Variants in CKAP2 observed in about 807,000 individuals in gnomAD.
The protein encoded by CKAP2 is cytoskeleton-associated protein 2.
A neutral mutation model predicts 58.4 loss-of-function variants in CKAP2; 46 were observed. The observed-to-expected ratio is 0.79, with a 90% CI of 0.62 to 1.01. The LOEUF (loss-of-function observed/expected upper bound fraction) is 1.01. Ranked by LOEUF, CKAP2 falls within the 50% of genes least tolerant of loss-of-function variation. The pLI is 0.00. For missense variants in CKAP2, 809 were observed against 796.4 expected (o/e 1.02, Z -0.19); for synonymous variants, 293 against 280.9 (o/e 1.04, Z -0.43).
rs1490273372 is a variant in CKAP2, at chr13:52,465,414, T to A, written c.1425T>A (p.Pro475=). 3.1e-6 allele frequency: 5 copies of A among 1,613,520 alleles called. No homozygotes were observed. The highest frequency in any genetic ancestry group is 1.1e-5 in the South Asian group (1 of 91,040). The change falls in exon 6 of 9, where the codon CCT becomes CCA. Residue 475 remains proline, a synonymous_variant. Transcript: ENST00000258607. Reference sequence around the variant, plus strand: ...CACTTATTGAACCAATCACAAGTCCTATTGAAAATATTATTGCAATCTATG... The same window carrying A: ...CACTTATTGAACCAATCACAAGTCCAATTGAAAATATTATTGCAATCTATG... ...CLALIEPITS[P]IENIIAIYEK...
rs1035193617 is a variant in CKAP2, at chr13:52,476,115, T to C, written c.*974T>C. On this transcript the variant is annotated 3_prime_UTR_variant, in exon 9 of 9. Coordinates refer to ENST00000258607, the MANE Select transcript of CKAP2 (RefSeq NM_018204.5). ...CATAAATAACACCACTAAAGTTGTTTTGTAAGGTTCCAAACTAATATGGCA... is the reference window on the plus strand; with the variant it reads ...CATAAATAACACCACTAAAGTTGTTCTGTAAGGTTCCAAACTAATATGGCA... 11 of 152,250 alleles carry C rather than the reference T, an allele frequency of 7.2e-5. No homozygotes were observed. Among genetic ancestry groups the C allele is most frequent in the Non-Finnish European group, 8.8e-5 (6 of 68,042 alleles). 9.4% of individuals were successfully genotyped at this position (152,250 alleles called of 1,614,324 possible). A position where few individuals can be genotyped will look rare whatever the true frequency, so the allele number is the denominator to read the frequency against.
chr13:52,463,695 C>T (rs1958619252), intron 5 of CKAP2, among the ~76,000 whole-genome samples: 2 of 152,122 alleles, frequency 1.3e-5, no homozygotes, highest in African/African-American at 4.8e-5. Flanking sequence ...GTTGAGGGAC[C>T]AGGAAGTGGG....
At position 52,461,883 on chromosome 13, in the gene CKAP2, GA is replaced by G. The variant is rs1467584178; in HGVS notation, c.1058del (p.Asp353ValfsTer18). On this transcript the variant is annotated frameshift_variant, in exon 4 of 9. Transcript: ENST00000258607. LOFTEE classifies it high-confidence loss of function. ...RRHTAGKAIV[D>X]SRSAQPKETS... ...ACATACTGCAGGAAAAGCAATTGTT[GA>G]TAGTAGATCAGCTCAGCCCAAAGAA... 1.2e-6 allele frequency: 2 copies of G among 1,613,708 alleles called. No homozygotes were observed. The highest frequency in any genetic ancestry group is 1.7e-6 in the Non-Finnish European group (2 of 1,179,976).
At chr13:52,470,605 GA>G (rs370191742) in intron 7 of CKAP2, among the ~76,000 whole-genome samples, 6,033 of 149,172 alleles carry the variant, frequency 0.04, 138 homozygotes, top group South Asian at 0.071. Flanking sequence ...TGTATTAACT[GA>G]AAAAAAAAAC....
chr13:52,470,471 CCTTTTTAGTAT>C (rs1350238055), intron 7 of CKAP2, among the ~76,000 whole-genome samples: 4 of 151,816 alleles, frequency 2.6e-5, no homozygotes, highest in African/African-American at 9.7e-5. Context: ...AGTATTAGTA[CCTTTTTAGTAT>C]GCAAAATTAA....
In CKAP2 at chr13:52,475,121, T is replaced by A; in HGVS notation, c.2029T>A (p.Tyr677Asn). The change falls in exon 9 of 9, where the codon TAT becomes AAT. Residue 677 changes from tyrosine to asparagine, a missense_variant. Around this residue, in one of 3 missense-constraint regions of CKAP2, gnomAD observed 283 missense variants for 287.6 expected, o/e 0.98. Transcript: ENST00000258607. ...RPNAALCRVYYEADTT is the reference protein window; with the variant it reads ...RPNAALCRVYNEADTT ...TAATGCAGCACTGTGCCGGGTGTAC[T>A]ATGAGGCTGATACAACATAAGAGAA... The A allele has an allele frequency of 6.2e-7, 1 of 1,614,118 alleles. No individual in the cohort carries two copies.
intron 6 of CKAP2, among the ~76,000 whole-genome samples, chr13:52,466,327 T>C (rs1001912762): frequency 6.6e-6 from 1 of 152,228 alleles, no homozygotes; most frequent in Non-Finnish European, 1.5e-5. Flanking sequence ...ATTGTTTACA[T>C]AGATAATTTT....
At chr13:52,470,697 A>G (rs532612684) in intron 7 of CKAP2, among the ~76,000 whole-genome samples, 3 of 152,260 alleles carry the variant, frequency 2.0e-5, no homozygotes, top group Admixed American at 2.0e-4. Flanking sequence ...ATCATGGATT[A>G]TTTCAATTTA....
rs1388604168 is a variant in CKAP2, at chr13:52,461,885, T to C, written c.1059T>C (p.Asp353=). The C allele has an allele frequency of 3.1e-6, 5 of 1,613,238 alleles. No individual in the cohort carries two copies. The highest frequency in any genetic ancestry group is 1.6e-4 in the Middle Eastern group (1 of 6,082). The change falls in exon 4 of 9, where the codon GAT becomes GAC. Residue 353 remains aspartate, a synonymous_variant. Transcript: ENST00000258607. ...RRHTAGKAIV[D]SRSAQPKETS... is the part of the protein sequence containing the mutation. ...ATACTGCAGGAAAAGCAATTGTTGATAGTAGATCAGCTCAGCCCAAAGAAA... is the reference window on the plus strand; with the variant it reads ...ATACTGCAGGAAAAGCAATTGTTGACAGTAGATCAGCTCAGCCCAAAGAAA...
rs1462131326 is a variant in CKAP2 at position 52,476,453 on chromosome 13, T to A, written c.*1312T>A. ...TTGAAATACATTGTAAGATTTGACT[T>A]GAGGTTTTTGACACTTAAGTACATG... is the stretch of plus-strand genomic sequence containing the variant. On this transcript the variant is annotated 3_prime_UTR_variant, in exon 9 of 9. Transcript: ENST00000258607. 6.6e-6 allele frequency: 1 copy of A among 152,226 alleles called. No homozygotes were observed. The highest frequency in any genetic ancestry group is 1.5e-5 in the Non-Finnish European group (1 of 68,028). 9.4% of individuals were successfully genotyped at this position (152,226 alleles called of 1,614,324 possible).
intron 1 of CKAP2, chr13:52,455,971 C>A (rs1170833430): frequency 2.7e-6 from 3 of 1,099,554 alleles, no homozygotes; most frequent in Admixed American, 5.3e-5. Flanking sequence ...CAGGGACCGA[C>A]TGCGCCTGCG....
chr13:52,469,596 TA>T (rs58530254), intron 7 of CKAP2, among the ~76,000 whole-genome samples: 4,296 of 142,526 alleles, frequency 0.03, 233 homozygotes, highest in African/African-American at 0.096. Context: ...TTTATTTATT[TA>T]TTTTTTTTTT....
At chr13:52,459,426 G>T (rs867647554) in intron 2 of CKAP2, among the ~76,000 whole-genome samples, 1 of 152,012 alleles carries the variant, frequency 6.6e-6, no homozygotes, top group East Asian at 1.9e-4. Context: ...GGGTTCAAGC[G>T]ATTCTCCTGC....
intron 5 of CKAP2, 85 bp downstream of exon 5, chr13:52,462,652 TTTTGAC>T: frequency 9.1e-7 from 1 of 1,099,300 alleles, no homozygotes; most frequent in East Asian, 2.5e-5. Context: ...TTGTCAGTCT[TTTTGAC>T]CAGGTGATGT....
chr13:52,461,577 C>G lies in CKAP2; in HGVS notation c.751C>G (p.Leu251Val), dbSNP rs773348575. ...FVSTTSQNTQ[L>V]VRPPIRSHHS... Reference sequence around the variant, plus strand: ...GAGCACTACATCTCAGAACACACAACTTGTGCGACCTCCTATTAGAAGTCA... The same window carrying G: ...GAGCACTACATCTCAGAACACACAAGTTGTGCGACCTCCTATTAGAAGTCA... The change falls in exon 4 of 9, where the codon CTT (leucine) becomes GTT (valine). Residue 251 changes from leucine to valine, a missense_variant. Coordinates refer to ENST00000258607, the MANE Select transcript of CKAP2 (RefSeq NM_018204.5). 36 of 1,614,052 alleles carry G rather than the reference C, an allele frequency of 2.2e-5. No homozygotes were observed. Among genetic ancestry groups the G allele is most frequent in the Middle Eastern group, 1.6e-4 (1 of 6,084 alleles).
At chr13:52,473,202 C>T (rs1958783203) in intron 7 of CKAP2, among the ~76,000 whole-genome samples, 1 of 152,140 alleles carries the variant, frequency 6.6e-6, no homozygotes, top group South Asian at 2.1e-4. Context: ...CTAGACAGTC[C>T]TTTACATTGA....
chr13:52,459,012 G>A (rs1026259522), intron 2 of CKAP2, among the ~76,000 whole-genome samples: 12 of 152,070 alleles, frequency 7.9e-5, no homozygotes, highest in African/African-American at 2.9e-4. Flanking sequence ...ACTCATTTCC[G>A]ATAACCCTTC....
At chr13:52,461,027 C>T in intron 3 of CKAP2, 31 bp from the exon 4 acceptor site, 3 of 1,603,124 alleles carry the variant, frequency 1.9e-6, no homozygotes, top group Non-Finnish European at 2.5e-6. Context: ...TTTTGCCTTT[C>T]CTAAACACTT....
intron 5 of CKAP2, among the ~76,000 whole-genome samples, chr13:52,463,524 A>AAGC (rs1230303038): frequency 1.3e-5 from 2 of 152,236 alleles, no homozygotes; most frequent in African/African-American, 4.8e-5. Context: ...CAGAGTAATT[A>AAGC]AGCAGCACAG....
Sources: allele counts gnomAD v4.1 joint callset (sites outside exome capture counted in the v4.1 genomes callset), GRCh38; gene constraint gnomAD v4.1.1; regional missense constraint gnomAD v4.1.1; transcripts MANE v1.5; gene names NCBI Gene and HGNC (gene_info 2026-07-23, HGNC 2026-07-21).